Variants in NUP93 observed in about 807,000 individuals in gnomAD.
NUP93 encodes nuclear pore complex protein Nup93.
A neutral mutation model predicts 107.8 loss-of-function variants in NUP93; 55 were observed. The observed-to-expected ratio is 0.51, with a 90% confidence interval of 0.41 to 0.64. NUP93 has a LOEUF of 0.64. Ranked by LOEUF, NUP93 falls within the 30% of genes least tolerant of loss-of-function variation. NUP93 has a pLI of 0.00. For missense variants in NUP93, 937 were observed against 1,044.7 expected (o/e 0.90, Z 1.42); for synonymous variants, 390 against 397.5 (o/e 0.98, Z 0.22).
At chr16:56,753,612 CT>C (rs1273847749) in intron 2 of NUP93, among the ~76,000 whole-genome samples, 45 of 151,998 alleles carry the variant, frequency 3.0e-4, no homozygotes, top group Middle Eastern at 6.3e-3. Flanking sequence ...TTCATATGCA[CT>C]TTTTTTTCTG....
intron 3 of NUP93, among the ~76,000 whole-genome samples, chr16:56,784,047 A>G (rs1962573744): frequency 6.6e-6 from 1 of 152,200 alleles, no homozygotes; most frequent in African/African-American, 2.4e-5. Flanking sequence ...TGATATATAT[A>G]CTTAAAAATA....
At chr16:56,792,946 G>T (rs1392202697) in intron 3 of NUP93, among the ~76,000 whole-genome samples, 1 of 152,156 alleles carries the variant, frequency 6.6e-6, no homozygotes, top group Non-Finnish European at 1.5e-5. Flanking sequence ...TCCTGGTCGG[G>T]AATTTTTGCT....
chr16:56,739,289 C>T (rs1482700964), intron 1 of NUP93, among the ~76,000 whole-genome samples: 3 of 91,542 alleles, frequency 3.3e-5, no homozygotes, highest in East Asian at 3.3e-4. Context: ...CCAGTAGGGG[C>T]GGCCGGGCAG....
chr16:56,753,153 T>C (rs1346093087), intron 2 of NUP93, among the ~76,000 whole-genome samples: 3 of 152,174 alleles, frequency 2.0e-5, no homozygotes, highest in Non-Finnish European at 2.9e-5. Flanking sequence ...ACATAGTTGA[T>C]TTTAGAGTTT....
chr16:56,816,563 G>A (rs1171793645), intron 5 of NUP93, among the ~76,000 whole-genome samples: 4 of 152,166 alleles, frequency 2.6e-5, no homozygotes, highest in African/African-American at 4.8e-5. Flanking sequence ...GCAGAAAGAA[G>A]GGGAGAGAGC....
intron 1 of NUP93, among the ~76,000 whole-genome samples, chr16:56,737,992 G>A (rs1961639984): frequency 6.6e-6 from 1 of 152,236 alleles, no homozygotes; most frequent in Non-Finnish European, 1.5e-5. Flanking sequence ...TTGGTGATCT[G>A]CCCCTGTTTA....
chr16:56,830,715 G>T, intron 10 of NUP93, 30 bp downstream of exon 10: 6 of 1,503,572 alleles, frequency 4.0e-6, no homozygotes, highest in Non-Finnish European at 5.4e-6. Context: ...ACGCCCAGGG[G>T]CAGCCATGCA....
chr16:56,839,053 T>C lies in NUP93; in HGVS notation c.2120T>C (p.Ile707Thr). 6.2e-7 allele frequency: 1 copy of C among 1,611,296 alleles called. No individual in the cohort carries two copies. Among genetic ancestry groups the C allele is most frequent in the South Asian group, 1.1e-5 (1 of 90,948 alleles). The change falls in exon 19 of 22, where the codon ATT becomes ACT. Residue 707 changes from isoleucine (I) to threonine (T), a missense_variant. Transcript: ENST00000308159. ...TTTGACGAGTATCATAGTGGTCATA[T>C]TGATAGAGCTTTTGATGTAAGTTTC... ...TFFDEYHSGHIDRAFDIIERL... is the reference protein window; with the variant it reads ...TFFDEYHSGHTDRAFDIIERL...
intron 5 of NUP93, among the ~76,000 whole-genome samples, chr16:56,811,675 T>C (rs1310610723): frequency 1.3e-5 from 2 of 152,170 alleles, no homozygotes. Flanking sequence ...TTCACCATAT[T>C]GGCCAGGCTG....
chr16:56,785,460 T>C (rs1962605760), intron 3 of NUP93, among the ~76,000 whole-genome samples: 1 of 152,188 alleles, frequency 6.6e-6, no homozygotes. Flanking sequence ...CTGGAAACTC[T>C]TCAGTTTTCT....
intron 1 of NUP93, among the ~76,000 whole-genome samples, chr16:56,733,890 C>T (rs12921698): frequency 0.23 from 35,252 of 152,174 alleles, 4,382 homozygotes; most frequent in Non-Finnish European, 0.27. Flanking sequence ...CCCCCATACA[C>T]AGTTGCTAAA....
Position 56,833,276 on chromosome 16 carries a change from A to C in NUP93, c.1407A>C (p.Thr469=). The part of the protein sequence containing the change: ...PFLYFQVLFL[T]AQFEAAVAFL... The stretch of plus-strand genomic sequence containing the variant: ...TCTACTTCCAAGTCCTGTTCCTGAC[A>C]GCGCAGTTTGAAGCAGCAGTTGCCT... The change falls in exon 13 of 22, where the codon ACA becomes ACC. Residue 469 remains threonine (T), a synonymous_variant. Transcript: ENST00000308159. The C allele has an allele frequency of 6.2e-7, 1 of 1,607,150 alleles. No individual in the cohort carries two copies.
rs1188027635 is a variant in NUP93, at chr16:56,827,044, C to CAAAAAAAAAAAAAAAAAAAAAAAAA, written c.795-1932_795-1908dup. On this transcript the variant is annotated intron_variant, in intron 8 of 21. Coordinates refer to ENST00000308159, the MANE Select transcript of NUP93 (RefSeq NM_014669.5). ...CTGGGGATGGAATGAGACTCCGTCT[C>CAAAAAAAAAAAAAAAAAAAAAAAAA]AAAAAAAAAAAAAAAAAAAAAAAAA... Among the ~76,000 whole-genome samples the CAAAAAAAAAAAAAAAAAAAAAAAAA allele has an allele frequency of 9.3e-5, 5 of 53,608 alleles. 1 individual carries two copies. Among genetic ancestry groups the CAAAAAAAAAAAAAAAAAAAAAAAAA allele is most frequent in the African/African-American group, 3.5e-4 (5 of 14,302 alleles). The allele number at this position is 53,608 out of a possible 152,430, so 35.2% of individuals were successfully genotyped here.
intron 1 of NUP93, among the ~76,000 whole-genome samples, chr16:56,733,202 A>G (rs148108940): frequency 1.4e-3 from 211 of 152,296 alleles, no homozygotes; most frequent in Admixed American, 4.0e-3. Context: ...TAAGGGTGGC[A>G]GTGTCTGTTC....
chr16:56,844,649 G>T lies in NUP93; in HGVS notation c.*40G>T, dbSNP rs1230638392. 1 of 1,377,466 alleles carries T rather than the reference G, an allele frequency of 7.3e-7. No individual in the cohort carries two copies. Among genetic ancestry groups the T allele is most frequent in the Non-Finnish European group, 1.0e-6 (1 of 993,330 alleles). 85.3% of individuals were successfully genotyped at this position (1,377,466 alleles called of 1,614,324 possible). On this transcript the variant is annotated 3_prime_UTR_variant, in exon 22 of 22. Coordinates refer to ENST00000308159, the MANE Select transcript of NUP93 (RefSeq NM_014669.5). ...GGGAGTCTGGGTCGGCACACTGTCA[G>T]TACATCAGGCACATGGGCCCACTAG...
chr16:56,740,366 G>A, intron 1 of NUP93, among the ~76,000 whole-genome samples: 1 of 151,508 alleles, frequency 6.6e-6, no homozygotes, highest in Non-Finnish European at 1.5e-5. Context: ...GCCGGGCAGA[G>A]GCGCTCCTCA....
intron 3 of NUP93, chr16:56,783,440 T>C: frequency 2.0e-6 from 2 of 981,604 alleles, no homozygotes; most frequent in Non-Finnish European, 2.4e-6. Context: ...CCTTTGAAAC[T>C]CTGACCCAGT....
chr16:56,789,352 A>G (rs1248812858), intron 3 of NUP93, among the ~76,000 whole-genome samples: 2 of 152,244 alleles, frequency 1.3e-5, no homozygotes, highest in Non-Finnish European at 2.9e-5. Flanking sequence ...AATTTAAATC[A>G]TGGGGGCAAA....
intron 2 of NUP93, among the ~76,000 whole-genome samples, chr16:56,751,437 C>T (rs1262232846): frequency 1.3e-5 from 2 of 152,166 alleles, no homozygotes; most frequent in African/African-American, 4.8e-5. Flanking sequence ...TAAAATAACC[C>T]TGTGAAAGTG....
Sources: gnomAD v4.1 joint callset for allele counts (sites outside exome capture counted in the v4.1 genomes callset) on GRCh38, gnomAD v4.1.1 for gene constraint, MANE v1.5 for transcripts, NCBI Gene and HGNC (gene_info 2026-07-23, HGNC 2026-07-21) for gene names.